SCHIP1: variants seen among roughly 807,000 people sequenced by gnomAD.
SCHIP1 encodes the protein schwannomin-interacting protein 1.
SCHIP1 carries 8 observed loss-of-function variants against 29.7 expected under a neutral mutation model. That is an observed-to-expected ratio of 0.27 (90% CI 0.16 to 0.49). The LOEUF is 0.49. SCHIP1 is among the 20% of genes least tolerant of loss of function. The pLI is 0.99. For missense variants in SCHIP1, 193 were observed against 294.6 expected (o/e 0.66, Z 2.52); for synonymous variants, 76 against 94.9 (o/e 0.80, Z 1.16).
At chr3:159,399,553 C>G in the SCHIP1 span, among the ~76,000 whole-genome samples, 447 of 152,228 alleles carry the variant, frequency 2.9e-3, no homozygotes, top group African/African-American at 0.01. Context: ...TACTGAAGCA[C>G]CAGAATCTCC....
chr3:159,405,838 G>A, the SCHIP1 span, among the ~76,000 whole-genome samples: 1 of 147,962 alleles, frequency 6.8e-6, no homozygotes, highest in Admixed American at 6.8e-5. Flanking sequence ...AGCTGAGATT[G>A]CACCACTGCT....
the SCHIP1 span, among the ~76,000 whole-genome samples, chr3:159,490,155 A>C: frequency 7.2e-5 from 11 of 152,232 alleles, no homozygotes; most frequent in Non-Finnish European, 1.0e-4. Flanking sequence ...TAGTTTTTAC[A>C]TGTATAGAAT....
At chr3:159,722,637 C>T in the SCHIP1 span, among the ~76,000 whole-genome samples, 104 of 151,946 alleles carry the variant, frequency 6.8e-4, 1 homozygote, top group African/African-American at 2.1e-3. Flanking sequence ...GGTGTGTGTG[C>T]GAGAGAGAAG....
the SCHIP1 span, among the ~76,000 whole-genome samples, chr3:159,407,661 C>A: frequency 6.6e-6 from 1 of 152,122 alleles, no homozygotes; most frequent in Non-Finnish European, 1.5e-5. Context: ...AAACATTCAA[C>A]AAATTGAAAT....
chr3:159,843,586 C>CG (rs1560078383), intron 1 of SCHIP1, among the ~76,000 whole-genome samples: 1 of 151,718 alleles, frequency 6.6e-6, no homozygotes. Context: ...TTTGGGAGGC[C>CG]GAGGGCTGCG....
the SCHIP1 span, among the ~76,000 whole-genome samples, chr3:159,795,938 T>G: frequency 6.6e-6 from 1 of 152,198 alleles, no homozygotes; most frequent in African/African-American, 2.4e-5. Context: ...GTGCAGATTC[T>G]GGGCCTCTCC....
At chr3:159,418,289 A>G in the SCHIP1 span, among the ~76,000 whole-genome samples, 22 of 152,228 alleles carry the variant, frequency 1.4e-4, no homozygotes, top group Admixed American at 1.2e-3. Context: ...GCCAAACAAC[A>G]CTGCCAAGGA....
chr3:159,280,820 C>T, the SCHIP1 span, among the ~76,000 whole-genome samples: 1,448 of 152,202 alleles, frequency 9.5e-3, 14 homozygotes, highest in African/African-American at 0.014. Context: ...TAAGCACTTG[C>T]GAAGGATGAA....
At chr3:159,619,865 T>C in the SCHIP1 span, among the ~76,000 whole-genome samples, 1 of 152,200 alleles carries the variant, frequency 6.6e-6, no homozygotes, top group Non-Finnish European at 1.5e-5. Flanking sequence ...ATTTGCCTTA[T>C]CATTTTCAAA....
chr3:159,401,598 A>G, the SCHIP1 span, among the ~76,000 whole-genome samples: 1 of 152,236 alleles, frequency 6.6e-6, no homozygotes, highest in African/African-American at 2.4e-5. Flanking sequence ...TACTATAACC[A>G]GTACTTAAAT....
At chr3:159,863,389 C>T (rs977443630) in intron 1 of SCHIP1, among the ~76,000 whole-genome samples, 2 of 151,496 alleles carry the variant, frequency 1.3e-5, no homozygotes, top group African/African-American at 4.9e-5. Flanking sequence ...TTTGACACAA[C>T]TCAAATGGCT....
chr3:159,829,478 T>C, the SCHIP1 span, among the ~76,000 whole-genome samples: 3 of 152,238 alleles, frequency 2.0e-5, no homozygotes, highest in African/African-American at 7.2e-5. Context: ...TATGGGACTT[T>C]GGAGAAAAGT....
At chr3:159,567,448 A>T in the SCHIP1 span, among the ~76,000 whole-genome samples, 2 of 152,104 alleles carry the variant, frequency 1.3e-5, no homozygotes, top group Non-Finnish European at 2.9e-5. Context: ...TGATGGCCTA[A>T]CATTTTAGTT....
chr3:159,849,693 T>A (rs1264876704), intron 1 of SCHIP1, among the ~76,000 whole-genome samples: 1 of 152,210 alleles, frequency 6.6e-6, no homozygotes, highest in African/African-American at 2.4e-5. Context: ...GAGGCTGTGC[T>A]GGGGCTGGGA....
At chr3:159,601,603 C>G in the SCHIP1 span, among the ~76,000 whole-genome samples, 1 of 152,224 alleles carries the variant, frequency 6.6e-6, no homozygotes, top group Non-Finnish European at 1.5e-5. Flanking sequence ...AAGGATGTCA[C>G]TCTTCATTTG....
chr3:159,318,747 C>T, the SCHIP1 span, among the ~76,000 whole-genome samples: 4 of 152,082 alleles, frequency 2.6e-5, no homozygotes, highest in African/African-American at 4.8e-5. Context: ...CTGCTCGAGC[C>T]CGATCAGGTA....
the SCHIP1 span, among the ~76,000 whole-genome samples, chr3:159,771,213 C>G: frequency 2.0e-5 from 3 of 152,144 alleles, no homozygotes; most frequent in Non-Finnish European, 4.4e-5. Context: ...TACTTCTTCC[C>G]CATCAATGAC....
At chr3:159,717,876 T>C in the SCHIP1 span, among the ~76,000 whole-genome samples, 15 of 152,130 alleles carry the variant, frequency 9.9e-5, no homozygotes, top group Non-Finnish European at 1.6e-4. Context: ...CCTAACTCAT[T>C]TTATGAGGCC....
chr3:159,398,173 C>T, the SCHIP1 span, among the ~76,000 whole-genome samples: 2 of 152,110 alleles, frequency 1.3e-5, no homozygotes, highest in South Asian at 4.1e-4. Flanking sequence ...AATGCCTCAC[C>T]CTGCTTCAGC....
Sources: gnomAD v4.1 joint callset for allele counts (sites outside exome capture counted in the v4.1 genomes callset) on GRCh38, gnomAD v4.1.1 for gene constraint, MANE v1.5 for transcripts, NCBI Gene and HGNC (gene_info 2026-07-23, HGNC 2026-07-21) for gene names.